The following MARCHF1 variants were observed in gnomAD, a reference collection of about 807,000 sequenced individuals.
The protein encoded by MARCHF1 is E3 ubiquitin-protein ligase MARCHF1.
MARCHF1 carries 40 observed loss-of-function variants against 54.2 expected under a neutral mutation model. The ratio of observed to expected loss-of-function variants is 0.74; its 90% confidence interval spans 0.57 to 0.96. The LOEUF (loss-of-function observed/expected upper bound fraction) is 0.96, where lower values mean the gene tolerates loss of function less well. MARCHF1 is among the 40% of genes least tolerant of loss of function. The pLI is 0.00. For synonymous variants in MARCHF1, 236 were observed against 236.3 expected, an observed-to-expected ratio of 1.00 and a Z score of 0.01; for missense variants, 586 against 656.5, an observed-to-expected ratio of 0.89 and a Z score of 1.17.
In MARCHF1 at chr4:163,828,626, A is replaced by C. The variant is rs151149795; in HGVS notation, c.111+25395T>G. ...TAAAAATAGAAATAAATATGATTTC[A>C]AGTTTCACACACACATACACGCAAA... On this transcript the variant is annotated intron_variant, in intron 4 of 9. Transcript: ENST00000514618. Among the ~76,000 whole-genome samples the C allele has an allele frequency of 5.1e-3, 783 of 152,322 alleles. 6 individuals are homozygous for C. Among genetic ancestry groups the C allele is most frequent in the African/African-American group, 0.018 (749 of 41,574 alleles).
Position 163,737,021 on chromosome 4 carries a change from G to A in MARCHF1, c.112-36158C>T, listed in dbSNP as rs564816595. Reference sequence around the variant, plus strand: ...CATCAACTAAGATTGATGGAGCAAAGCCAGAAATGTGTAAGGGAAAGCTCA... The same window carrying A: ...CATCAACTAAGATTGATGGAGCAAAACCAGAAATGTGTAAGGGAAAGCTCA... On this transcript the variant is annotated intron_variant, in intron 4 of 9. Coordinates refer to ENST00000514618, the MANE Select transcript of MARCHF1 (RefSeq NM_001394959.1). Among the ~76,000 whole-genome samples, 5 of 152,174 alleles carry A rather than the reference G, an allele frequency of 3.3e-5. No individual in the cohort carries two copies. The South Asian group carries it at 1.0e-3, about 32-fold the overall frequency.
At chr4:163,879,804 CGTGTGTGT>C (rs60539215) in intron 3 of MARCHF1, among the ~76,000 whole-genome samples, 7 of 148,378 alleles carry the variant, frequency 4.7e-5, no homozygotes, top group Non-Finnish European at 7.5e-5. Flanking sequence ...GATTTAGAGG[CGTGTGTGT>C]GTGTGTGTGT....
At chr4:163,535,035 A>G (rs1042316937) in intron 9 of MARCHF1, among the ~76,000 whole-genome samples, 1 of 152,070 alleles carries the variant, frequency 6.6e-6, no homozygotes, top group Non-Finnish European at 1.5e-5. Context: ...TAAAGTAGTA[A>G]TAATAATTTT....
chr4:163,826,490 A>G (rs1037736015), intron 4 of MARCHF1, among the ~76,000 whole-genome samples: 5 of 152,092 alleles, frequency 3.3e-5, no homozygotes, highest in African/African-American at 1.2e-4. Flanking sequence ...GCCGTCCATG[A>G]ATAGGTTTTA....
At chr4:164,327,660 C>T (rs1030824284) in intron 1 of MARCHF1, among the ~76,000 whole-genome samples, 2 of 152,064 alleles carry the variant, frequency 1.3e-5, no homozygotes, top group Non-Finnish European at 1.5e-5. Context: ...AGTTTGGATG[C>T]CATCACAGTA....
intron 4 of MARCHF1, among the ~76,000 whole-genome samples, chr4:163,747,013 C>A (rs571919800): frequency 4.3e-4 from 65 of 152,242 alleles, no homozygotes; most frequent in African/African-American, 1.4e-3. Context: ...GTTTCTAGTA[C>A]AACACTTTGC....
At chr4:163,633,772 G>A (rs1479358219) in intron 5 of MARCHF1, among the ~76,000 whole-genome samples, 1 of 152,020 alleles carries the variant, frequency 6.6e-6, no homozygotes, top group African/African-American at 2.4e-5. Context: ...CTCGAGAAGA[G>A]CAACTCCAAG....
intron 1 of MARCHF1, among the ~76,000 whole-genome samples, chr4:164,151,217 C>T (rs758385720): frequency 1.3e-5 from 2 of 152,054 alleles, no homozygotes; most frequent in Non-Finnish European, 2.9e-5. Context: ...GCAATAGAAA[C>T]GAAGACAGTG....
intron 2 of MARCHF1, among the ~76,000 whole-genome samples, chr4:164,108,559 T>C (rs927196771): frequency 1.3e-5 from 2 of 152,056 alleles, no homozygotes; most frequent in Non-Finnish European, 2.9e-5. Flanking sequence ...TATAAATGAA[T>C]TTTCTCCACA....
intron 4 of MARCHF1, among the ~76,000 whole-genome samples, chr4:163,731,570 C>T (rs1745831480): frequency 6.6e-6 from 1 of 152,102 alleles, no homozygotes. Flanking sequence ...GTGACAAAAC[C>T]AAGGAGGCTA....
chr4:163,576,822 G>T (rs1367445967), intron 8 of MARCHF1, among the ~76,000 whole-genome samples: 2 of 150,090 alleles, frequency 1.3e-5, no homozygotes, highest in African/African-American at 4.9e-5. Context: ...CATTTTTACT[G>T]TTTTTTTTTA....
intron 2 of MARCHF1, among the ~76,000 whole-genome samples, chr4:164,090,505 G>A (rs1280419188): frequency 6.6e-6 from 1 of 151,916 alleles, no homozygotes; most frequent in Non-Finnish European, 1.5e-5. Flanking sequence ...CATAGAATTG[G>A]TGTTTGTAGA....
intron 2 of MARCHF1, among the ~76,000 whole-genome samples, chr4:164,091,264 C>T (rs1260586418): frequency 6.6e-6 from 1 of 151,690 alleles, no homozygotes; most frequent in Non-Finnish European, 1.5e-5. Flanking sequence ...TATGCATCAG[C>T]TTATGTATTC....
At chr4:163,762,687 A>C (rs527637689) in intron 4 of MARCHF1, among the ~76,000 whole-genome samples, 6 of 152,160 alleles carry the variant, frequency 3.9e-5, no homozygotes, top group Non-Finnish European at 8.8e-5. Context: ...CTTAATTAGT[A>C]ATCAAAAATT....
rs184705047 is a variant in MARCHF1 at position 164,221,799 on chromosome 4, A to G, written c.-322-110137T>C. ...AAGGAAGAAAAGGTAAAGGGTTATG[A>G]TAGCCAGCTGACTGGTTACATTCTG... On this transcript the variant is annotated intron_variant, in intron 1 of 9. Coordinates refer to ENST00000514618, the MANE Select transcript of MARCHF1 (RefSeq NM_001394959.1). Among the ~76,000 whole-genome samples, 478 of 152,152 alleles carry G rather than the reference A, an allele frequency of 3.1e-3. 9 individuals carry two copies. The highest frequency in any genetic ancestry group is 0.025 in the Admixed American group (382 of 15,240).
chr4:163,632,474 A>G (rs1403722092), intron 5 of MARCHF1, among the ~76,000 whole-genome samples: 1 of 152,170 alleles, frequency 6.6e-6, no homozygotes, highest in East Asian at 1.9e-4. Context: ...CTAATCAAAG[A>G]AAGGGGTGAT....
At chr4:164,195,179 G>C (rs1731222045) in intron 1 of MARCHF1, among the ~76,000 whole-genome samples, 1 of 151,714 alleles carries the variant, frequency 6.6e-6, no homozygotes, top group Non-Finnish European at 1.5e-5. Flanking sequence ...TTGAGGTCAT[G>C]ATTTATTCTT....
chr4:164,139,613 A>C (rs967357411), intron 1 of MARCHF1, among the ~76,000 whole-genome samples: 4 of 152,160 alleles, frequency 2.6e-5, no homozygotes, highest in Non-Finnish European at 5.9e-5. Flanking sequence ...TGTGGTATTT[A>C]TATGAGAGAA....
In MARCHF1 at chr4:163,895,149, T is replaced by C. The variant is rs76435172; in HGVS notation, c.-38-40980A>G. On this transcript the variant is annotated intron_variant, in intron 3 of 9. Transcript: ENST00000514618. ...TCTACAAGCATGCATAGAATACCTA[T>C]ATAAGACGTATGTGTGTATAACAAT... is the stretch of plus-strand genomic sequence containing the variant. Among the ~76,000 whole-genome samples the C allele has an allele frequency of 6.0e-4, 91 of 152,294 alleles. 3 individuals carry two copies. The East Asian group carries it at 0.016, about 27-fold the overall frequency.
Sources: allele counts gnomAD v4.1 joint callset (sites outside exome capture counted in the v4.1 genomes callset), GRCh38; gene constraint gnomAD v4.1.1; transcripts MANE v1.5; gene names NCBI Gene and HGNC (gene_info 2026-07-23, HGNC 2026-07-21).